GRID1: variants seen among roughly 807,000 people sequenced by gnomAD.
GRID1 encodes the protein glutamate ionotropic receptor delta type subunit 1.
Under a neutral mutation model 98.0 loss-of-function variants are expected in GRID1, and 28 were observed. That is an observed-to-expected ratio of 0.29 (90% CI 0.21 to 0.39). GRID1 has a LOEUF of 0.39. Ranked by LOEUF, GRID1 falls within the 10% of genes least tolerant of loss-of-function variation. The probability of loss-of-function intolerance (pLI) is 1.00; values close to 1 mark genes in which losing one functional copy is unlikely to be tolerated. For synonymous variants in GRID1, 553 were observed against 538.5 expected, an observed-to-expected ratio of 1.03 and a Z score of -0.37; for missense variants, 1,111 against 1,340.5, an observed-to-expected ratio of 0.83 and a Z score of 2.67.
intron 5 of GRID1, among the ~76,000 whole-genome samples, chr10:85,899,181 C>A (rs369212254): frequency 6.6e-6 from 1 of 152,172 alleles, no homozygotes; most frequent in African/African-American, 2.4e-5. Context: ...TGTCTTTCTA[C>A]GCCTAGCTTA....
chr10:86,293,596 T>G (rs1251407289), intron 2 of GRID1, among the ~76,000 whole-genome samples: 1 of 152,210 alleles, frequency 6.6e-6, no homozygotes, highest in Non-Finnish European at 1.5e-5. Flanking sequence ...AAGACCCTTT[T>G]GTATTCCCCA....
intron 4 of GRID1, among the ~76,000 whole-genome samples, chr10:85,977,166 G>T (rs983118512): frequency 6.6e-6 from 1 of 152,174 alleles, no homozygotes; most frequent in Admixed American, 6.5e-5. Context: ...TACCTTATAG[G>T]GTTGATGCAA....
intron 2 of GRID1, among the ~76,000 whole-genome samples, chr10:86,324,982 C>T (rs1417398958): frequency 6.6e-6 from 1 of 151,664 alleles, no homozygotes; most frequent in Non-Finnish European, 1.5e-5. Context: ...AGGGAGAGTT[C>T]ATTTTGATAA....
rs185412774 is a variant in GRID1, at chr10:85,828,318, G to T, written c.1233+26178C>A. Among the ~76,000 whole-genome samples the T allele has an allele frequency of 3.3e-5, 5 of 152,048 alleles. No individual in the cohort carries two copies. The East Asian group carries it at 9.7e-4, about 29-fold the overall frequency. On this transcript the variant is annotated intron_variant, in intron 8 of 15. Coordinates refer to ENST00000327946, the MANE Select transcript of GRID1 (RefSeq NM_017551.3). Reference sequence around the variant, plus strand: ...TGGTAAGAGGAAAATTTATAGTGCTGAATCCCACATCAAAAAGTTAGAAAG... The same window carrying T: ...TGGTAAGAGGAAAATTTATAGTGCTTAATCCCACATCAAAAAGTTAGAAAG...
At chr10:85,788,992 T>C (rs1311694247) in intron 8 of GRID1, among the ~76,000 whole-genome samples, 1 of 152,140 alleles carries the variant, frequency 6.6e-6, no homozygotes, top group Non-Finnish European at 1.5e-5. Context: ...CTCTTTGCCC[T>C]AATTTCCCCC....
At chr10:86,017,574 T>C (rs1276171572) in intron 4 of GRID1, among the ~76,000 whole-genome samples, 1 of 152,212 alleles carries the variant, frequency 6.6e-6, no homozygotes, top group African/African-American at 2.4e-5. Flanking sequence ...AACTGGGTCA[T>C]GGTTCAATGT....
chr10:86,046,861 CAA>C lies in GRID1; in HGVS notation c.726+91956_726+91957del, dbSNP rs199526669. ...ATGCCACAAATTTTTAAGCCCATTT[CAA>C]AAAAAAAAAAAAAAAAAAGACAGAG... On this transcript the variant is annotated intron_variant, in intron 4 of 15. Transcript: ENST00000327946. 3.6e-3 allele frequency among the ~76,000 whole-genome samples: 387 copies of C among 107,632 alleles called. 3 individuals are homozygous for C. Among genetic ancestry groups the C allele is most frequent in the East Asian group, 0.027 (105 of 3,938 alleles). The allele number at this position is 107,632 out of a possible 152,430, so 70.6% of individuals were successfully genotyped here. A position where few individuals can be genotyped will look rare whatever the true frequency, so the allele number is the denominator to read the frequency against.
At chr10:85,846,962 A>C (rs1245912647) in intron 8 of GRID1, among the ~76,000 whole-genome samples, 1 of 152,226 alleles carries the variant, frequency 6.6e-6, no homozygotes, top group East Asian at 1.9e-4. Context: ...TGCCTATGCA[A>C]GTACAAAAGA....
intron 4 of GRID1, among the ~76,000 whole-genome samples, chr10:86,040,410 A>G (rs1843329449): frequency 6.6e-6 from 1 of 151,900 alleles, no homozygotes; most frequent in African/African-American, 2.4e-5. Flanking sequence ...GCCATAAAAA[A>G]TGATGAAATT....
intron 4 of GRID1, among the ~76,000 whole-genome samples, chr10:86,123,290 A>G (rs79355618): frequency 0.015 from 2,243 of 152,304 alleles, 78 homozygotes; most frequent in African/African-American, 0.051. Context: ...CCTGGAACCT[A>G]CCGGTGATGC....
intron 4 of GRID1, among the ~76,000 whole-genome samples, chr10:85,983,284 A>C (rs757995845): frequency 9.2e-5 from 14 of 152,244 alleles, no homozygotes; most frequent in Middle Eastern, 3.2e-3. Context: ...TAGTCCAACC[A>C]GAAAAGCTGG....
chr10:86,222,771 A>G (rs1486552721), intron 2 of GRID1, among the ~76,000 whole-genome samples: 1 of 152,190 alleles, frequency 6.6e-6, no homozygotes, highest in Non-Finnish European at 1.5e-5. Flanking sequence ...GACACAAGTC[A>G]CAGAGCCCGA....
At chr10:85,983,371 T>G (rs1009675974) in intron 4 of GRID1, among the ~76,000 whole-genome samples, 1 of 152,356 alleles carries the variant, frequency 6.6e-6, no homozygotes, top group African/African-American at 2.4e-5. Flanking sequence ...GAGATTATGC[T>G]ACGTGTCCAC....
At chr10:85,777,551 A>G (rs979970213) in intron 8 of GRID1, among the ~76,000 whole-genome samples, 8 of 152,234 alleles carry the variant, frequency 5.3e-5, no homozygotes, top group African/African-American at 1.7e-4. Flanking sequence ...GACCCATGTC[A>G]TATTGTTGTC....
chr10:86,157,580 C>T (rs756977596), intron 3 of GRID1, among the ~76,000 whole-genome samples: 15 of 152,168 alleles, frequency 9.9e-5, no homozygotes, highest in Non-Finnish European at 1.9e-4. Flanking sequence ...TTTTCTCTCC[C>T]TAAACACGTC....
intron 4 of GRID1, among the ~76,000 whole-genome samples, chr10:86,027,010 G>A (rs1843125148): frequency 6.6e-6 from 1 of 152,226 alleles, no homozygotes; most frequent in African/African-American, 2.4e-5. Flanking sequence ...GGCCATGGGA[G>A]GCAGGACAAA....
chr10:86,212,281 C>G (rs1257320092), intron 2 of GRID1, among the ~76,000 whole-genome samples: 2 of 152,224 alleles, frequency 1.3e-5, no homozygotes, highest in Non-Finnish European at 2.9e-5. Flanking sequence ...CTTGCTCACC[C>G]AGGAAGAAGA....
chr10:86,022,361 C>T (rs758075562), intron 4 of GRID1, among the ~76,000 whole-genome samples: 2 of 151,962 alleles, frequency 1.3e-5, no homozygotes, highest in South Asian at 2.1e-4. Flanking sequence ...TCAGTAGCAC[C>T]GGCCCCATTT....
chr10:85,836,072 T>C (rs991182177), intron 8 of GRID1, among the ~76,000 whole-genome samples: 6 of 152,136 alleles, frequency 3.9e-5, no homozygotes, highest in Non-Finnish European at 7.3e-5. Context: ...TAAAAGCTTA[T>C]ATTAGAAAAA....
Sources: gnomAD v4.1 joint callset for allele counts (sites outside exome capture counted in the v4.1 genomes callset) on GRCh38, gnomAD v4.1.1 for gene constraint, MANE v1.5 for transcripts, NCBI Gene and HGNC (gene_info 2026-07-23, HGNC 2026-07-21) for gene names.